The following YAE1 variants were observed in gnomAD, a reference collection of about 807,000 sequenced individuals.
The protein encoded by YAE1 is YAE1 maturation factor of ABCE1.
In YAE1, 22 loss-of-function variants were observed where a neutral mutation model predicts 23.0. The observed-to-expected ratio is 0.96, with a 90% CI of 0.68 to 1.37. YAE1 has a LOEUF of 1.37. YAE1 is among the 40% of genes most tolerant of loss of function. The probability of loss-of-function intolerance (pLI) is 0.00; values close to 1 mark genes in which losing one functional copy is unlikely to be tolerated. For synonymous variants in YAE1, 101 were observed against 97.0 expected (o/e 1.04, Z -0.24); for missense variants, 260 against 262.1 (o/e 0.99, Z 0.06).
rs150594188 is a variant in YAE1, at chr7:39,578,405, C to G, written c.251+7778C>G. Among the ~76,000 whole-genome samples, 962 of 152,262 alleles carry G rather than the reference C, an allele frequency of 6.3e-3. 10 individuals carry two copies. The highest frequency in any genetic ancestry group is 0.021 in the African/African-American group (888 of 41,536). On this transcript the variant is annotated intron_variant, in intron 2 of 2. Transcript: ENST00000432096. ...CCCAAGGGTCTAGTTGCAGGCTGCC[C>G]AAGGGTCTAGTTCCATGTTGTGGAA...
At chr7:39,604,070 G>T (rs977100538) in intron 2 of YAE1, among the ~76,000 whole-genome samples, 3 of 152,130 alleles carry the variant, frequency 2.0e-5, no homozygotes, top group Admixed American at 6.5e-5. Context: ...ATGGAGGAAG[G>T]GCAGGAAATA....
At chr7:39,601,606 A>G (rs551931356) in intron 2 of YAE1, among the ~76,000 whole-genome samples, 3 of 152,170 alleles carry the variant, frequency 2.0e-5, no homozygotes, top group Admixed American at 6.5e-5. Context: ...CTAAAAATAC[A>G]AAAATTAGTC....
intron 2 of YAE1, among the ~76,000 whole-genome samples, chr7:39,594,655 C>T (rs1790950799): frequency 6.6e-6 from 1 of 151,562 alleles, no homozygotes; most frequent in Non-Finnish European, 1.5e-5. Context: ...GGCTGGAGTA[C>T]AATGGCGTGA....
rs997793415 is a variant in YAE1 at position 39,570,367 on chromosome 7, A to G, written c.130-139A>G. On this transcript the variant is annotated intron_variant, in intron 1 of 2. Coordinates refer to ENST00000223273, the MANE Select transcript of YAE1 (RefSeq NM_020192.5). ...AGGAGAAGCATAGTCTGCTTTAGTT[A>G]TATTGTTATGCCATATTATGGTCAG... is the stretch of plus-strand genomic sequence containing the variant. 21 of 967,240 alleles carry G rather than the reference A, an allele frequency of 2.2e-5. No individual in the cohort carries two copies. In the African/African-American group the frequency reaches 3.1e-4, roughly 14 times the overall value. The allele number at this position is 967,240 out of a possible 1,614,324, so 59.9% of individuals were successfully genotyped here.
At chr7:39,571,276 CTTT>C (rs58497539) in intron 2 of YAE1, among the ~76,000 whole-genome samples, 17 of 135,950 alleles carry the variant, frequency 1.3e-4, no homozygotes, top group Non-Finnish European at 1.9e-4. Flanking sequence ...TTTCTTTTTT[CTTT>C]TTTTTTTTTT....
chr7:39,573,822 T>C (rs1790611315), downstream of YAE1, among the ~76,000 whole-genome samples: 1 of 152,162 alleles, frequency 6.6e-6, no homozygotes, highest in African/African-American at 2.4e-5. Context: ...GAAAGCCATA[T>C]TGAGTTTCAG....
chr7:39,609,038 CCAA>C, intron 2 of YAE1, among the ~76,000 whole-genome samples: 1 of 152,150 alleles, frequency 6.6e-6, no homozygotes, highest in East Asian at 1.9e-4. Flanking sequence ...CAATTTCAGT[CCAA>C]CATGTCAGAA....
intron 2 of YAE1, among the ~76,000 whole-genome samples, chr7:39,598,872 TA>T (rs1287729213): frequency 6.6e-6 from 1 of 150,872 alleles, no homozygotes; most frequent in Non-Finnish European, 1.5e-5. Flanking sequence ...ATAAACTGTT[TA>T]AAGATAAAGG....
chr7:39,590,109 G>T (rs1049346442), intron 2 of YAE1, among the ~76,000 whole-genome samples: 1 of 152,152 alleles, frequency 6.6e-6, no homozygotes, highest in Non-Finnish European at 1.5e-5. Flanking sequence ...AAAATCATAA[G>T]AGTGTATACA....
intron 2 of YAE1, among the ~76,000 whole-genome samples, chr7:39,579,707 T>G (rs1389172082): frequency 6.6e-6 from 1 of 150,852 alleles, no homozygotes; most frequent in Non-Finnish European, 1.5e-5. Context: ...ATTTTTCAAG[T>G]CTTCCCCAGT....
intron 2 of YAE1, chr7:39,570,986 G>A: frequency 6.1e-6 from 1 of 165,146 alleles, no homozygotes; most frequent in Non-Finnish European, 1.3e-5. Context: ...AAAATAGTTG[G>A]TAATTAAGAT....
At chr7:39,592,294 T>C (rs1790911867) in intron 2 of YAE1, among the ~76,000 whole-genome samples, 1 of 151,320 alleles carries the variant, frequency 6.6e-6, no homozygotes, top group Non-Finnish European at 1.5e-5. Context: ...TTTGCATTCT[T>C]ACAAGCAATA....
rs1790517713 is a variant in YAE1 at position 39,568,876 on chromosome 7, TATG to T, written c.130-1628_130-1626del. On this transcript the variant is annotated intron_variant, in intron 1 of 2. Transcript: ENST00000223273. The stretch of plus-strand genomic sequence containing the variant: ...TTTTATTAGTTGCATAACTTAAAAA[TATG>T]AGGAAATTTTGGAATATATCTCTAA... Among the ~76,000 whole-genome samples the T allele has an allele frequency of 2.0e-5, 3 of 152,286 alleles. No individual in the cohort carries two copies. The South Asian group carries it at 6.2e-4, about 32-fold the overall frequency.
intron 2 of YAE1, among the ~76,000 whole-genome samples, chr7:39,578,385 G>A (rs1379674856): frequency 6.6e-6 from 1 of 152,126 alleles, no homozygotes; most frequent in Non-Finnish European, 1.5e-5. Context: ...GGCTGCCCAA[G>A]GGTCTAGTTG....
intron 2 of YAE1, among the ~76,000 whole-genome samples, chr7:39,591,971 G>A (rs1369230087): frequency 2.6e-5 from 4 of 152,074 alleles, no homozygotes; most frequent in Non-Finnish European, 5.9e-5. Context: ...CTTTCACTTG[G>A]CAATATGCAT....
chr7:39,568,985 TCA>T (rs900088074), intron 1 of YAE1, among the ~76,000 whole-genome samples: 3 of 152,204 alleles, frequency 2.0e-5, no homozygotes, highest in African/African-American at 7.2e-5. Context: ...TTTCCTTTTT[TCA>T]CACACATGAA....
At chr7:39,570,103 G>A in intron 1 of YAE1, 1 of 1,025,352 alleles carries the variant, frequency 9.8e-7, no homozygotes, top group Non-Finnish European at 1.5e-6. Context: ...CTGTGATGAT[G>A]CGTACGTTGC....
intron 2 of YAE1, among the ~76,000 whole-genome samples, chr7:39,585,983 C>T (rs1470128327): frequency 6.6e-6 from 1 of 151,934 alleles, no homozygotes; most frequent in Non-Finnish European, 1.5e-5. Flanking sequence ...ACCTGTGGTC[C>T]CAGCCACTTG....
downstream of YAE1, chr7:39,573,029 C>T (rs1291000908): frequency 2.1e-6 from 1 of 478,934 alleles, no homozygotes; most frequent in Non-Finnish European, 2.8e-6. Flanking sequence ...TTTGTAAGGA[C>T]CTACCCCTAC....
Sources: gnomAD v4.1 joint callset for allele counts (sites outside exome capture counted in the v4.1 genomes callset) on GRCh38, gnomAD v4.1.1 for gene constraint, MANE v1.5 for transcripts, NCBI Gene and HGNC (gene_info 2026-07-23, HGNC 2026-07-21) for gene names.